WNT2B: variants seen among roughly 807,000 people sequenced by gnomAD.
WNT2B encodes the protein Wnt family member 2B.
In WNT2B, 19 loss-of-function variants were observed where a neutral mutation model predicts 40.5. The ratio of observed to expected loss-of-function variants is 0.47; its 90% CI spans 0.33 to 0.69. The LOEUF (loss-of-function observed/expected upper bound fraction) is 0.69. WNT2B is among the 30% of genes least tolerant of loss of function. WNT2B has a pLI of 0.02. For missense variants in WNT2B, 467 were observed against 556.4 expected, an observed-to-expected ratio of 0.84 and a Z score of 1.62; for synonymous variants, 220 against 211.9, an observed-to-expected ratio of 1.04 and a Z score of -0.33.
chr1:112,499,192 C>A (rs1442129389), intron 1 of WNT2B, among the ~76,000 whole-genome samples: 10 of 120,198 alleles, frequency 8.3e-5, no homozygotes, highest in African/African-American at 2.2e-4. Flanking sequence ...GGCGACAGAG[C>A]AAGACTGTCT....
At chr1:112,519,828 A>G (rs1222360894) in intron 4 of WNT2B, among the ~76,000 whole-genome samples, 1 of 150,530 alleles carries the variant, frequency 6.6e-6, no homozygotes, top group Admixed American at 6.6e-5. Flanking sequence ...GAGTGGTAGA[A>G]CTGGGATTTG....
At chr1:112,506,710 C>T (rs1346423814), upstream of WNT2B, among the ~76,000 whole-genome samples, 1 of 152,254 alleles carries the variant, frequency 6.6e-6, no homozygotes, top group Non-Finnish European at 1.5e-5. Flanking sequence ...AAACTAAGCA[C>T]AGAGTCTGTG....
At chr1:112,469,909 C>T (rs983997025) in intron 1 of WNT2B, among the ~76,000 whole-genome samples, 30 of 152,236 alleles carry the variant, frequency 2.0e-4, no homozygotes, top group Middle Eastern at 3.4e-3. Context: ...TCGCCGTACC[C>T]GGCCTATTTA....
chr1:112,499,661 T>C (rs1372184656), intron 1 of WNT2B, among the ~76,000 whole-genome samples: 1 of 152,094 alleles, frequency 6.6e-6, no homozygotes, highest in Non-Finnish European at 1.5e-5. Flanking sequence ...AAAAAACAGG[T>C]ACAAAAACCC....
At chr1:112,517,688 A>G (rs1557923044) in intron 4 of WNT2B, 1 of 320,734 alleles carries the variant, frequency 3.1e-6, no homozygotes. Context: ...ACCTGTTTTC[A>G]GTTTTAAGCA....
chr1:112,479,707 TTTG>T (rs1450681986), intron 1 of WNT2B, among the ~76,000 whole-genome samples: 2 of 152,058 alleles, frequency 1.3e-5, no homozygotes, highest in South Asian at 2.1e-4. Context: ...GTTAAGTTTT[TTTG>T]TTGTTGTTGT....
chr1:112,484,270 C>CAT (rs1467125619), intron 1 of WNT2B, among the ~76,000 whole-genome samples: 1 of 93,140 alleles, frequency 1.1e-5, no homozygotes, highest in Non-Finnish European at 2.4e-5. Context: ...TATATATATA[C>CAT]ACATATATAT....
Position 112,509,396 on chromosome 1 carries a change from T to C in WNT2B, c.134T>C (p.Leu45Pro), listed in dbSNP as rs755964469. ...GCCCGCCTAGGTCTTGCCTGCCTTC[T>C]GCTCCTGCTGCTGCTGACGCTGCCG... ...ASARLGLACLLLLLLLTLPAR... is the reference protein window; with the variant it reads ...ASARLGLACLPLLLLLTLPAR... The change falls in exon 1 of 5, where the codon CTG becomes CCG. Residue 45 changes from leucine to proline, a missense_variant. Transcript: ENST00000369684. This position sits in a 1 kb window ranked among gnomAD's most constrained non-coding sequence, Gnocchi z 4.2. 2 of 1,596,114 alleles carry C rather than the reference T, an allele frequency of 1.3e-6. No individual in the cohort carries two copies. Among genetic ancestry groups the C allele is most frequent in the Non-Finnish European group, 1.7e-6 (2 of 1,177,090 alleles).
At chr1:112,483,060 T>C (rs1027515315) in intron 1 of WNT2B, among the ~76,000 whole-genome samples, 1 of 152,156 alleles carries the variant, frequency 6.6e-6, no homozygotes, top group East Asian at 1.9e-4. Context: ...TACAGGGTAG[T>C]CCCAGCTACC....
upstream of WNT2B, among the ~76,000 whole-genome samples, chr1:112,506,075 TGCCTCACTGCA>T (rs1652097407): frequency 6.6e-6 from 1 of 152,194 alleles, no homozygotes; most frequent in African/African-American, 2.4e-5. Context: ...GGTGCATTCA[TGCCTCACTGCA>T]GCCTTGACTT....
rs116923670 is a variant in WNT2B, at chr1:112,516,204, C to T, written c.468C>T (p.Arg156=). The change falls in exon 3 of 5, where the codon CGC becomes CGT. Residue 156 remains arginine (R), a synonymous_variant. Transcript: ENST00000369684. The stretch of plus-strand genomic sequence containing the variant: ...CAGGGGTAGTCCACGCTATTACTCG[C>T]GCCTGTAGCCAGGGTGAACTGAGTG... ...SSAGVVHAIT[R]ACSQGELSVC... 181 of 1,614,050 alleles carry T rather than the reference C, an allele frequency of 1.1e-4. 1 individual carries two copies. The highest frequency in any genetic ancestry group is 4.5e-4 in the East Asian group (20 of 44,864).
rs548348777 is a variant in WNT2B at position 112,515,365 on chromosome 1, C to T, written c.403+271C>T. Among the ~76,000 whole-genome samples the T allele has an allele frequency of 1.3e-5, 2 of 152,288 alleles. No individual in the cohort carries two copies. The highest frequency in any genetic ancestry group is 1.3e-4 in the Admixed American group (2 of 15,302). ...CATCTTTCTCCCTCATTTTCCTTGT[C>T]CTCCCCAATCCCCAGCTTGGGAGGC... On this transcript the variant is annotated intron_variant, in intron 2 of 4. Coordinates refer to ENST00000369684, the MANE Select transcript of WNT2B (RefSeq NM_024494.3). This position sits in a 1 kb window ranked among gnomAD's most constrained non-coding sequence, Gnocchi z 4.4.
chr1:112,491,670 G>A (rs1046947381), intron 1 of WNT2B, among the ~76,000 whole-genome samples: 2 of 152,260 alleles, frequency 1.3e-5, no homozygotes, highest in Admixed American at 6.5e-5. Flanking sequence ...CAGATTACTT[G>A]AGCTCAGGGG....
intron 1 of WNT2B, among the ~76,000 whole-genome samples, chr1:112,495,588 C>CAAAAA (rs1172484242): frequency 3.2e-5 from 3 of 94,524 alleles, no homozygotes; most frequent in Admixed American, 1.2e-4. Flanking sequence ...GACTCTGTCT[C>CAAAAA]AAAAAAAAAA....
Position 112,479,300 on chromosome 1 carries a change from G to A in WNT2B, c.-95+11709G>A, listed in dbSNP as rs141733842. On this transcript the variant is annotated intron_variant, in intron 1 of 4. Coordinates refer to the WNT2B transcript ENST00000256640. ...AGACAAAAATTTGCAGGGGCTGGGC[G>A]TGGGGGCTCATGCCTATAATCTCAG... Among the ~76,000 whole-genome samples the A allele has an allele frequency of 8.5e-4, 129 of 152,114 alleles. 2 individuals are homozygous for A. The East Asian group carries it at 0.022, about 26-fold the overall frequency.
In WNT2B at chr1:112,479,108, C is replaced by A. The variant is rs550680733; in HGVS notation, c.-95+11517C>A. The stretch of plus-strand genomic sequence containing the variant: ...TAGTGGTACATGCCTGTAATCCCAG[C>A]TACTCAGGAGGCTGAGGCAGGAGAA... On this transcript the variant is annotated intron_variant, in intron 1 of 4. Transcript: ENST00000256640. Among the ~76,000 whole-genome samples the A allele has an allele frequency of 1.1e-4, 16 of 150,530 alleles. No homozygotes were observed. The East Asian group carries it at 3.2e-3, about 30-fold the overall frequency.
intron 1 of WNT2B, among the ~76,000 whole-genome samples, chr1:112,480,227 C>T (rs374397780): frequency 2.7e-4 from 41 of 151,746 alleles, no homozygotes; most frequent in African/African-American, 5.8e-4. Context: ...ATTAGCCAGG[C>T]GTGGTGGCAG....
intron 1 of WNT2B, among the ~76,000 whole-genome samples, chr1:112,494,669 A>T (rs1651711516): frequency 6.6e-6 from 1 of 151,670 alleles, no homozygotes; most frequent in South Asian, 2.1e-4. Flanking sequence ...TTATCCTTTA[A>T]AAATGAAGGT....
intron 1 of WNT2B, among the ~76,000 whole-genome samples, chr1:112,482,966 G>A (rs1293832635): frequency 1.3e-5 from 2 of 152,080 alleles, no homozygotes; most frequent in Non-Finnish European, 2.9e-5. Context: ...GATGACAAAA[G>A]ACCTAGAATG....
Sources: allele counts gnomAD v4.1 joint callset (sites outside exome capture counted in the v4.1 genomes callset), GRCh38; gene constraint gnomAD v4.1.1; non-coding constraint Gnocchi (gnomAD v3.1); transcripts MANE v1.5; gene names NCBI Gene and HGNC (gene_info 2026-07-23, HGNC 2026-07-21).